Variants in KLHL26 observed in about 807,000 individuals in gnomAD.
KLHL26 encodes kelch like family member 26.
In KLHL26, 4 loss-of-function variants were observed where a neutral mutation model predicts 7.1. That is an observed-to-expected ratio of 0.56 (90% CI 0.28 to 1.28). The LOEUF is 1.28. Among genes scored for constraint, KLHL26 ranks in the 50% most tolerant of loss-of-function variants. The pLI, the probability that KLHL26 is intolerant of heterozygous loss-of-function variation, is 0.11. For missense variants in KLHL26, 896 were observed against 924.6 expected, an observed-to-expected ratio of 0.97 and a Z score of 0.40; for synonymous variants, 465 against 414.1, an observed-to-expected ratio of 1.12 and a Z score of -1.49.
chr19:18,665,772 G>C (rs1204901072), intron 2 of KLHL26, among the ~76,000 whole-genome samples: 1 of 152,186 alleles, frequency 6.6e-6, no homozygotes, highest in Non-Finnish European at 1.5e-5. Flanking sequence ...CTCCCTGGGT[G>C]ACCAGCAGGT....
Position 18,671,086 on chromosome 19 carries a change from C to T in KLHL26, c.*1841C>T, listed in dbSNP as rs1442975755. 3.3e-5 allele frequency: 5 copies of T among 152,196 alleles called. No homozygotes were observed. The highest frequency in any genetic ancestry group is 7.3e-5 in the Non-Finnish European group (5 of 68,054). 9.4% of individuals were successfully genotyped at this position (152,196 alleles called of 1,614,324 possible). On this transcript the variant is annotated 3_prime_UTR_variant, in exon 3 of 3. Transcript: ENST00000300976. Reference sequence around the variant, plus strand: ...CCGGCCAAACTATGAACTGGGCTGCCCAGAGCAGGCCACTTATCAGTTGCA... The same window carrying T: ...CCGGCCAAACTATGAACTGGGCTGCTCAGAGCAGGCCACTTATCAGTTGCA...
In KLHL26 at chr19:18,650,768, A is replaced by C. The variant is rs1483387452; in HGVS notation, c.84-13493A>C. On this transcript the variant is annotated intron_variant, in intron 1 of 2. Transcript: ENST00000300976. This position sits in a 1 kb window ranked among gnomAD's most constrained non-coding sequence, Gnocchi z 4.2. ...GGTCAGGGGCGCGGGCAGCTTGCTG[A>C]CCTTTTCTGGGAGTCGTGGCGGACG... is the stretch of plus-strand genomic sequence containing the variant. 6.6e-6 allele frequency among the ~76,000 whole-genome samples: 1 copy of C among 152,122 alleles called. No homozygotes were observed. Among genetic ancestry groups the C allele is most frequent in the Non-Finnish European group, 1.5e-5 (1 of 68,014 alleles).
chr19:18,639,821 A>G (rs1405514737), intron 1 of KLHL26, among the ~76,000 whole-genome samples: 2 of 151,776 alleles, frequency 1.3e-5, no homozygotes, highest in Non-Finnish European at 2.9e-5. Context: ...TCTGCAATTA[A>G]CCCTGCTCCA....
At chr19:18,665,744 C>T (rs2052441489) in intron 2 of KLHL26, among the ~76,000 whole-genome samples, 1 of 152,188 alleles carries the variant, frequency 6.6e-6, no homozygotes, top group Non-Finnish European at 1.5e-5. Flanking sequence ...GGGGCTGTTG[C>T]AGGGCTGAGT....
At position 18,656,779 on chromosome 19, in the gene KLHL26, T is replaced by TGCCCAGCACGCCTGCCC. The variant is rs2052338844; in HGVS notation, c.84-7481_84-7465dup. On this transcript the variant is annotated intron_variant, in intron 1 of 2. Coordinates refer to ENST00000300976, the MANE Select transcript of KLHL26 (RefSeq NM_018316.3). The surrounding 1 kb of genome is among the most constrained non-coding windows in gnomAD (Gnocchi z 4.4). ...AGGGTGGCTCTGACCCTGCCTGGCC[T>TGCCCAGCACGCCTGCCC]GCCCAGCACGCCTGCCCTCCCAGCA... Among the ~76,000 whole-genome samples the TGCCCAGCACGCCTGCCC allele has an allele frequency of 6.6e-6, 1 of 151,580 alleles. No individual in the cohort carries two copies. Among genetic ancestry groups the TGCCCAGCACGCCTGCCC allele is most frequent in the African/African-American group, 2.4e-5 (1 of 41,226 alleles).
intron 1 of KLHL26, among the ~76,000 whole-genome samples, chr19:18,645,911 G>A (rs1054680350): frequency 1.2e-4 from 18 of 152,006 alleles, no homozygotes; most frequent in African/African-American, 4.1e-4. Context: ...GAGACGCTGC[G>A]CCCGGTGGGT....
intron 1 of KLHL26, among the ~76,000 whole-genome samples, chr19:18,639,893 A>T (rs895492372): frequency 3.9e-5 from 6 of 152,058 alleles, no homozygotes; most frequent in African/African-American, 1.4e-4. Flanking sequence ...TGCCTTTTCT[A>T]GAAATTTCGT....
intron 1 of KLHL26, among the ~76,000 whole-genome samples, chr19:18,641,925 C>A (rs1011666962): frequency 3.9e-5 from 6 of 152,128 alleles, no homozygotes; most frequent in Admixed American, 2.0e-4. Context: ...CATGCCCGGC[C>A]CTCTTTCTTA....
Position 18,646,186 on chromosome 19 carries a change from A to C in KLHL26, c.83+9049A>C, listed in dbSNP as rs1359071041. On this transcript the variant is annotated intron_variant, in intron 1 of 2. Coordinates refer to ENST00000300976, the MANE Select transcript of KLHL26 (RefSeq NM_018316.3). This position sits in a 1 kb window ranked among gnomAD's most constrained non-coding sequence, Gnocchi z 5.0. The stretch of plus-strand genomic sequence containing the variant: ...GCTCAGGCTGGAGTGCAGTGGCATG[A>C]TTTTGGCTCACTGCAACCTCCGCCT... 6.6e-6 allele frequency among the ~76,000 whole-genome samples: 1 copy of C among 151,938 alleles called. No individual in the cohort carries two copies. The highest frequency in any genetic ancestry group is 6.6e-5 in the Admixed American group (1 of 15,266).
At chr19:18,664,591 T>C (rs1226199106) in intron 2 of KLHL26, 148 bp downstream of exon 2, 1 of 584,118 alleles carries the variant, frequency 1.7e-6, no homozygotes, top group Non-Finnish European at 2.8e-6. Context: ...CTGCTCTTTT[T>C]TTTTTTTTGA....
chr19:18,648,935 CAG>C lies in KLHL26; in HGVS notation c.83+11800_83+11801del, dbSNP rs1976851439. 6.6e-6 allele frequency among the ~76,000 whole-genome samples: 1 copy of C among 152,208 alleles called. No individual in the cohort carries two copies. The highest frequency in any genetic ancestry group is 1.5e-5 in the Non-Finnish European group (1 of 68,028). Reference sequence around the variant, plus strand: ...AGCGGGACCCTCCTAAGGCAGGAATCAGACCACCTCACTCCCCTGCCGGCCAC... The same window carrying C: ...AGCGGGACCCTCCTAAGGCAGGAATCACCACCTCACTCCCCTGCCGGCCAC... On this transcript the variant is annotated intron_variant, in intron 1 of 2. Transcript: ENST00000300976. The surrounding 1 kb of genome is among the most constrained non-coding windows in gnomAD (Gnocchi z 4.9).
chr19:18,659,395 G>C (rs2052368921), intron 1 of KLHL26, among the ~76,000 whole-genome samples: 1 of 152,236 alleles, frequency 6.6e-6, no homozygotes, highest in Admixed American at 6.5e-5. Context: ...GCATCAGCCG[G>C]GGTGGGAGCC....
At chr19:18,658,657 C>A (rs2052359923) in intron 1 of KLHL26, among the ~76,000 whole-genome samples, 2 of 150,206 alleles carry the variant, frequency 1.3e-5, no homozygotes, top group South Asian at 4.2e-4. Flanking sequence ...GTCTTCCTCT[C>A]TCCCTGGGTG....
Position 18,648,085 on chromosome 19 carries a change from T to C in KLHL26, c.83+10948T>C, listed in dbSNP as rs1454221434. ...CTCCTGTTTTGAAAGGATCCCTCTG[T>C]AGGCCGGGTGTGGTGGCTCACACCT... On this transcript the variant is annotated intron_variant, in intron 1 of 2. Coordinates refer to ENST00000300976, the MANE Select transcript of KLHL26 (RefSeq NM_018316.3). The surrounding 1 kb of genome is among the most constrained non-coding windows in gnomAD (Gnocchi z 4.9). 6.6e-6 allele frequency among the ~76,000 whole-genome samples: 1 copy of C among 152,164 alleles called. No homozygotes were observed.
chr19:18,637,985 T>C (rs1976649303), intron 1 of KLHL26, among the ~76,000 whole-genome samples: 1 of 152,216 alleles, frequency 6.6e-6, no homozygotes. Flanking sequence ...CATCAATAAC[T>C]AATGATATGT....
At chr19:18,637,923 C>G (rs1375171250) in intron 1 of KLHL26, among the ~76,000 whole-genome samples, 1 of 152,176 alleles carries the variant, frequency 6.6e-6, no homozygotes, top group African/African-American at 2.4e-5. Context: ...CCCCATGGCC[C>G]AGTCCTGACA....
At chr19:18,645,760 C>T (rs1357176410) in intron 1 of KLHL26, among the ~76,000 whole-genome samples, 1 of 150,704 alleles carries the variant, frequency 6.6e-6, no homozygotes, top group East Asian at 2.0e-4. Flanking sequence ...TGCAATGAGC[C>T]GAGATCCTGC....
chr19:18,664,292 A>C lies in KLHL26; in HGVS notation c.115A>C (p.Thr39Pro), dbSNP rs1419454714. ...TADKNGALKC[T>P]FSAPSHSTSL... ...CGACAAGAACGGGGCCCTCAAGTGC[A>C]CCTTCTCGGCACCCAGCCACAGCAC... Residue 39 changes from threonine (T) to proline (P), a missense_variant, in exon 2 of 3, where the codon ACC becomes CCC. Physicochemically the swap from Thr to Pro is conservative, Grantham distance 38 (BLOSUM62 -1). Coordinates refer to ENST00000300976, the MANE Select transcript of KLHL26 (RefSeq NM_018316.3). 2.5e-6 allele frequency: 4 copies of C among 1,606,896 alleles called. No individual in the cohort carries two copies. Among genetic ancestry groups the C allele is most frequent in the Admixed American group, 3.4e-5 (2 of 59,482 alleles).
chr19:18,669,212 C>G lies in KLHL26; in HGVS notation c.1815C>G (p.Pro605=), dbSNP rs760014119. 26 of 1,611,666 alleles carry G rather than the reference C, an allele frequency of 1.6e-5. No individual in the cohort carries two copies. Among genetic ancestry groups the G allele is most frequent in the East Asian group, 8.9e-5 (4 of 44,876 alleles). ...PESFAGIACA[P]VLLPRAGTRR ...CCTTCGCAGGCATAGCCTGCGCCCCCGTCCTGCTGCCCCGGGCCGGGACCA... is the reference window on the plus strand; with the variant it reads ...CCTTCGCAGGCATAGCCTGCGCCCCGGTCCTGCTGCCCCGGGCCGGGACCA... The change falls in exon 3 of 3, where the codon CCC becomes CCG. Residue 605 remains proline (P), a synonymous_variant. Coordinates refer to ENST00000300976, the MANE Select transcript of KLHL26 (RefSeq NM_018316.3).
Sources: gnomAD v4.1 joint callset for allele counts (sites outside exome capture counted in the v4.1 genomes callset) on GRCh38, gnomAD v4.1.1 for gene constraint, Gnocchi (gnomAD v3.1) non-coding constraint, MANE v1.5 for transcripts, NCBI Gene and HGNC (gene_info 2026-07-23, HGNC 2026-07-21) for gene names.